CD1B: variants seen among roughly 807,000 people sequenced by gnomAD.
The protein encoded by CD1B is CD1b molecule.
A neutral mutation model predicts 39.8 loss-of-function variants in CD1B; 43 were observed. The observed-to-expected ratio is 1.08, with a 90% CI of 0.85 to 1.39. The LOEUF is 1.39. Ranked by LOEUF, CD1B falls within the 40% of genes most tolerant of loss-of-function variation. The probability of loss-of-function intolerance (pLI) is 0.00; values close to 1 mark genes in which losing one functional copy is unlikely to be tolerated. For synonymous variants in CD1B, 192 were observed against 152.5 expected (o/e 1.26, Z -1.91); for missense variants, 495 against 403.8 (o/e 1.23, Z -1.94).
the CD1B span, chr1:158,291,166 C>A: frequency 6.2e-7 from 1 of 1,613,640 alleles, no homozygotes; most frequent in Admixed American, 1.7e-5. Context: ...CCATGTCATC[C>A]AGATCTTCTC....
At chr1:158,292,414 CCCCTTCTGTTCCCA>C in the CD1B span, 1 of 1,565,630 alleles carries the variant, frequency 6.4e-7, no homozygotes, top group South Asian at 1.2e-5. Flanking sequence ...TCAAGTACTG[CCCCTTCTGTTCCCA>C]CCCTTCAAAC....
the CD1B span, among the ~76,000 whole-genome samples, chr1:158,309,833 G>T: frequency 6.7e-6 from 1 of 150,276 alleles, no homozygotes; most frequent in African/African-American, 2.5e-5. Context: ...GCCTGTTGTG[G>T]GGTGGGGGGA....
chr1:158,328,375 C>A, intron 5 of CD1B, 118 bp from the exon 6 acceptor site: 1 of 688,290 alleles, frequency 1.5e-6, no homozygotes, highest in Non-Finnish European at 2.5e-6. Flanking sequence ...CATAGATAGA[C>A]GAATGGATGA....
the CD1B span, among the ~76,000 whole-genome samples, chr1:158,311,059 G>A: frequency 6.6e-6 from 1 of 152,146 alleles, no homozygotes; most frequent in Non-Finnish European, 1.5e-5. Context: ...CCTAAAATAA[G>A]AGGTGGAAAA....
chr1:158,299,316 T>C, the CD1B span, among the ~76,000 whole-genome samples: 1 of 152,206 alleles, frequency 6.6e-6, no homozygotes, highest in Non-Finnish European at 1.5e-5. Flanking sequence ...ATGGATTACA[T>C]TTATTGATTT....
At chr1:158,321,860 A>C in the CD1B span, among the ~76,000 whole-genome samples, 2 of 152,118 alleles carry the variant, frequency 1.3e-5, no homozygotes, top group Non-Finnish European at 2.9e-5. Context: ...AGATCATCCC[A>C]TTACCCAGGT....
In CD1B at chr1:158,329,928, T is replaced by C. The variant is rs150622338; in HGVS notation, c.531A>G (p.Arg177=). ...GGGGGCAGGTTTCATAGAGGAGAAT[T>C]CTCACAGTTTCCATGATACCTTGAT... is the stretch of plus-strand genomic sequence containing the variant. The part of the protein sequence containing the change: ...IQYQGIMETV[R]ILLYETCPRY... The change falls in exon 3 of 6, where the codon AGA becomes AGG. Residue 177 remains arginine, a synonymous_variant. Transcript: ENST00000368168. The C allele has an allele frequency of 1.2e-6, 2 of 1,614,094 alleles. No homozygotes were observed. Among genetic ancestry groups the C allele is most frequent in the South Asian group, 2.2e-5 (2 of 91,084 alleles).
chr1:158,317,986 T>TTAATTCTGAGTTC, the CD1B span, among the ~76,000 whole-genome samples: 1 of 152,252 alleles, frequency 6.6e-6, no homozygotes, highest in Non-Finnish European at 1.5e-5. Flanking sequence ...AGTGAGATTC[T>TTAATTCTGAGTTC]TAATTCTGAG....
chr1:158,316,936 C>A, the CD1B span, among the ~76,000 whole-genome samples: 2 of 151,232 alleles, frequency 1.3e-5, no homozygotes, highest in Non-Finnish European at 1.5e-5. Flanking sequence ...TTGTCTTTGG[C>A]TCTGTTTATA....
At chr1:158,302,337 TAGAA>T in the CD1B span, among the ~76,000 whole-genome samples, 3 of 151,910 alleles carry the variant, frequency 2.0e-5, no homozygotes, top group Admixed American at 2.0e-4. Flanking sequence ...ATCAAAAAGT[TAGAA>T]AGATCTCAAA....
the CD1B span, among the ~76,000 whole-genome samples, chr1:158,297,955 A>AT: frequency 1.3e-5 from 2 of 151,270 alleles, no homozygotes; most frequent in Admixed American, 6.6e-5. Flanking sequence ...AAGACAAAAA[A>AT]AAAAAAAATA....
the CD1B span, among the ~76,000 whole-genome samples, chr1:158,320,017 G>C: frequency 6.6e-6 from 1 of 152,188 alleles, no homozygotes; most frequent in Non-Finnish European, 1.5e-5. Context: ...CAGTCTGCCC[G>C]TTCTCAGATC....
the CD1B span, chr1:158,292,132 A>G: frequency 5.0e-6 from 8 of 1,614,164 alleles, no homozygotes; most frequent in South Asian, 6.6e-5. Context: ...CATTCTGGAA[A>G]GAGCCCAGAA....
At chr1:158,308,590 G>T in the CD1B span, among the ~76,000 whole-genome samples, 2 of 152,252 alleles carry the variant, frequency 1.3e-5, no homozygotes, top group South Asian at 2.1e-4. Flanking sequence ...ATACTACAAG[G>T]CTACAGTAAC....
chr1:158,317,983 T>C, the CD1B span, among the ~76,000 whole-genome samples: 3 of 152,224 alleles, frequency 2.0e-5, no homozygotes, highest in Non-Finnish European at 4.4e-5. Context: ...TTGAGTGAGA[T>C]TCTTAATTCT....
At chr1:158,292,600 G>A in the CD1B span, 1 of 1,612,460 alleles carries the variant, frequency 6.2e-7, no homozygotes. Context: ...CTGCAGTGAG[G>A]CCAGAAGCCT....
chr1:158,315,106 G>A, the CD1B span, among the ~76,000 whole-genome samples: 303 of 151,534 alleles, frequency 2.0e-3, 1 homozygote, highest in South Asian at 0.016. Flanking sequence ...GAATAATGCC[G>A]CAATAAACAC....
the CD1B span, among the ~76,000 whole-genome samples, chr1:158,298,532 G>A: frequency 6.6e-6 from 1 of 152,160 alleles, no homozygotes; most frequent in African/African-American, 2.4e-5. Context: ...AGATCAGGTA[G>A]TTTTTCCAAT....
the CD1B span, among the ~76,000 whole-genome samples, chr1:158,298,214 C>T: frequency 7.9e-5 from 12 of 152,240 alleles, no homozygotes; most frequent in Middle Eastern, 6.8e-3. Context: ...AATATATATG[C>T]ACCCAACACA....
Sources: allele counts gnomAD v4.1 joint callset (sites outside exome capture counted in the v4.1 genomes callset), GRCh38; gene constraint gnomAD v4.1.1; transcripts MANE v1.5; gene names NCBI Gene and HGNC (gene_info 2026-07-23, HGNC 2026-07-21).